The following ANKRD11 variants were observed in gnomAD, a reference collection of about 807,000 sequenced individuals.
ANKRD11 encodes the protein ankyrin repeat domain-containing protein 11.
A neutral mutation model predicts 195.7 loss-of-function variants in ANKRD11; 17 were observed. That is an observed-to-expected ratio of 0.09 (90% CI 0.06 to 0.13). ANKRD11 has a LOEUF of 0.13. ANKRD11 is among the 10% of genes least tolerant of loss of function. The pLI is 1.00. For synonymous variants in ANKRD11, 1,953 were observed against 1,528.1 expected (o/e 1.28, Z -6.49); for missense variants, 3,735 against 3,566.1 (o/e 1.05, Z -1.21).
At chr16:89,336,289 A>T (rs1008791916) in intron 2 of ANKRD11, among the ~76,000 whole-genome samples, 1 of 152,180 alleles carries the variant, frequency 6.6e-6, no homozygotes, top group Non-Finnish European at 1.5e-5. Flanking sequence ...GCCGGGGAGC[A>T]GCCACCAAAT....
rs758827352 is a variant in ANKRD11, at chr16:89,275,186, T to C, written c.7476A>G (p.Ala2492=). 4 of 1,606,016 alleles carry C rather than the reference T, an allele frequency of 2.5e-6. No individual in the cohort carries two copies. The South Asian group carries it at 4.5e-5, about 18-fold the overall frequency. ...PLSKLHIPVI[A]PPPSLAEPLK... is the part of the protein sequence containing the mutation. ...GGGGCTCCGCCAGGGAGGGAGGGGG[T>C]GCGATCTACAGGCAAAAGGTGAGTG... Residue 2492 remains alanine, a synonymous_variant, in exon 10 of 13, where the codon GCA becomes GCG. Coordinates refer to ENST00000301030, the MANE Select transcript of ANKRD11 (RefSeq NM_013275.6).
chr16:89,373,849 T>C (rs2040301037), intron 2 of ANKRD11, among the ~76,000 whole-genome samples: 1 of 152,198 alleles, frequency 6.6e-6, no homozygotes, highest in South Asian at 2.1e-4. Context: ...TTCTTACTTT[T>C]AGTTAGAGCT....
intron 1 of ANKRD11, among the ~76,000 whole-genome samples, chr16:89,468,332 A>G (rs1484918379): frequency 6.6e-6 from 1 of 152,174 alleles, no homozygotes; most frequent in Non-Finnish European, 1.5e-5. Flanking sequence ...AGCTCCTCCA[A>G]TCATGAGGTC....
intron 2 of ANKRD11, among the ~76,000 whole-genome samples, chr16:89,376,899 A>T (rs80057073): frequency 0.03 from 4,500 of 152,322 alleles, 152 homozygotes; most frequent in African/African-American, 0.075. Context: ...AGGGTTTATG[A>T]TAAGGACTGC....
intron 9 of ANKRD11, chr16:89,278,382 G>A: frequency 2.6e-6 from 1 of 381,226 alleles, no homozygotes; most frequent in Non-Finnish European, 5.3e-6. Context: ...CAGCCCTCAT[G>A]GGAATGTGCT....
intron 4 of ANKRD11, chr16:89,299,367 G>C (rs369294595): frequency 3.1e-5 from 6 of 192,658 alleles, no homozygotes; most frequent in Non-Finnish European, 6.3e-5. Context: ...GCCCTGTGTG[G>C]GGTGCCTGCC....
chr16:89,443,713 A>C (rs1051538856), intron 1 of ANKRD11, among the ~76,000 whole-genome samples: 4 of 152,356 alleles, frequency 2.6e-5, no homozygotes, highest in African/African-American at 9.6e-5. Context: ...TAAGAGCGGG[A>C]ACACCCCTTT....
chr16:89,270,496 T>G (rs1597394956), intron 12 of ANKRD11: 1 of 412,964 alleles, frequency 2.4e-6, no homozygotes, highest in Non-Finnish European at 4.6e-6. Flanking sequence ...CAGTGGAGGG[T>G]GAATGCTGGG....
At chr16:89,409,594 G>A (rs2152202961) in intron 2 of ANKRD11, among the ~76,000 whole-genome samples, 1 of 152,296 alleles carries the variant, frequency 6.6e-6, no homozygotes, top group Middle Eastern at 3.4e-3. Context: ...AGGAAGGACT[G>A]CTTAAGGCCA....
chr16:89,386,648 C>T (rs185849490), intron 2 of ANKRD11, among the ~76,000 whole-genome samples: 4 of 152,232 alleles, frequency 2.6e-5, no homozygotes, highest in South Asian at 2.1e-4. Flanking sequence ...AATCTCTTCT[C>T]GTCCAGGAAA....
Position 89,279,827 on chromosome 16 carries a change from C to T in ANKRD11, c.6715G>A (p.Val2239Met), listed in dbSNP as rs924433707. 5 of 1,545,582 alleles carry T rather than the reference C, an allele frequency of 3.2e-6. No individual in the cohort carries two copies. Among genetic ancestry groups the T allele is most frequent in the East Asian group, 4.9e-5 (2 of 41,060 alleles). ...ERARGDPDSS[V>M]EPAPVPPEQR... ...TCTGGGGGAACGGGCGCGGGCTCCA[C>T]GCTGGAGTCCGGATCCCCACGGGCC... is the stretch of plus-strand genomic sequence containing the variant. Residue 2239 changes from valine to methionine, a missense_variant, in exon 9 of 13, where the codon GTG becomes ATG. Transcript: ENST00000301030. The surrounding 1 kb of genome is among the most constrained non-coding windows in gnomAD (Gnocchi z 5.6).
chr16:89,291,705 C>T lies in ANKRD11; in HGVS notation c.227-522G>A. 1 of 1,289,886 alleles carries T rather than the reference C, an allele frequency of 7.8e-7. No homozygotes were observed. The highest frequency in any genetic ancestry group is 1.2e-5 in the South Asian group (1 of 81,030). 79.9% of individuals were successfully genotyped at this position (1,289,886 alleles called of 1,614,324 possible). A position where few individuals can be genotyped will look rare whatever the true frequency, so the allele number is the denominator to read the frequency against. ...CCTTTCTTCTTGCTTCTAGGAACCTCCATCTCATGCCATGGTGCTTCGAGG... is the reference window on the plus strand; with the variant it reads ...CCTTTCTTCTTGCTTCTAGGAACCTTCATCTCATGCCATGGTGCTTCGAGG... On this transcript the variant is annotated intron_variant, in intron 4 of 12. Coordinates refer to ENST00000301030, the MANE Select transcript of ANKRD11 (RefSeq NM_013275.6). The surrounding 1 kb of genome is among the most constrained non-coding windows in gnomAD (Gnocchi z 5.3).
intron 2 of ANKRD11, 40 bp from the exon 3 acceptor site, chr16:89,317,118 C>A: frequency 7.7e-7 from 1 of 1,297,346 alleles, no homozygotes; most frequent in Non-Finnish European, 1.1e-6. Flanking sequence ...AATTCAGAGG[C>A]AGCTCAAAAC....
chr16:89,324,141 C>T, intron 2 of ANKRD11: 7 of 936,834 alleles, frequency 7.5e-6, no homozygotes, highest in Non-Finnish European at 8.4e-6. Flanking sequence ...CTCTCTACTG[C>T]AGCCCTGTTT....
At chr16:89,397,824 C>T (rs1313512093) in intron 2 of ANKRD11, among the ~76,000 whole-genome samples, 3 of 152,200 alleles carry the variant, frequency 2.0e-5, no homozygotes, top group Non-Finnish European at 4.4e-5. Flanking sequence ...GGACAAGCGG[C>T]CCGTGCCACG....
intron 2 of ANKRD11, among the ~76,000 whole-genome samples, chr16:89,328,490 G>T (rs367922738): frequency 7.9e-5 from 12 of 152,342 alleles, no homozygotes; most frequent in Admixed American, 2.6e-4. Flanking sequence ...TTCACATCAC[G>T]GCATCCCCTC....
Position 89,281,461 on chromosome 16 carries a change from C to G in ANKRD11, c.5081G>C (p.Arg1694Thr), listed in dbSNP as rs779607218. The part of the protein sequence containing the change: ...HMKEVLPASP[R>T]PDQSRPTGVP... ...GCCAGTGGGCCGGCTCTGGTCAGGC[C>G]TGGGGGACGCAGGCAGGACCTCTTT... is the stretch of plus-strand genomic sequence containing the variant. The change falls in exon 9 of 13, where the codon AGG becomes ACG. Residue 1694 changes from arginine (R) to threonine (T), a missense_variant. Coordinates refer to ENST00000301030, the MANE Select transcript of ANKRD11 (RefSeq NM_013275.6). This position sits in a 1 kb window ranked among gnomAD's most constrained non-coding sequence, Gnocchi z 5.5. 6.2e-7 allele frequency: 1 copy of G among 1,614,034 alleles called. No homozygotes were observed. Among genetic ancestry groups the G allele is most frequent in the Non-Finnish European group, 8.5e-7 (1 of 1,180,006 alleles).
chr16:89,335,427 G>C (rs1268525582), intron 2 of ANKRD11, among the ~76,000 whole-genome samples: 1 of 152,192 alleles, frequency 6.6e-6, no homozygotes, highest in Non-Finnish European at 1.5e-5. Flanking sequence ...AGGGGTCTCT[G>C]CCGTCCTGAG....
chr16:89,377,343 G>C (rs147584967), intron 2 of ANKRD11, among the ~76,000 whole-genome samples: 163 of 152,236 alleles, frequency 1.1e-3, no homozygotes, highest in Middle Eastern at 6.8e-3. Flanking sequence ...TATAGAGAAA[G>C]CCATGAAAGC....
Sources: gnomAD v4.1 joint callset for allele counts (sites outside exome capture counted in the v4.1 genomes callset) on GRCh38, gnomAD v4.1.1 for gene constraint, Gnocchi (gnomAD v3.1) non-coding constraint, MANE v1.5 for transcripts, NCBI Gene and HGNC (gene_info 2026-07-23, HGNC 2026-07-21) for gene names.